DPP6: variants seen among roughly 807,000 people sequenced by gnomAD.
DPP6 encodes the protein A-type potassium channel modulatory protein DPP6.
Under a neutral mutation model 122.6 loss-of-function variants are expected in DPP6, and 69 were observed. The observed-to-expected ratio is 0.56, with a 90% CI of 0.46 to 0.69. The LOEUF (loss-of-function observed/expected upper bound fraction) is 0.69, where lower values mean the gene tolerates loss of function less well. Ranked by LOEUF, DPP6 falls within the 30% of genes least tolerant of loss-of-function variation. The pLI is 0.00. For missense variants in DPP6, 928 were observed against 1,116.9 expected, an observed-to-expected ratio of 0.83 and a Z score of 2.41; for synonymous variants, 418 against 433.1, an observed-to-expected ratio of 0.97 and a Z score of 0.43.
chr7:153,803,344 G>A, the DPP6 span, among the ~76,000 whole-genome samples: 1,577 of 150,716 alleles, frequency 0.01, 21 homozygotes, highest in African/African-American at 0.036. Context: ...ATTTGAATTC[G>A]TGGACTCAGT....
chr7:154,719,747 C>T (rs1375114776), intron 7 of DPP6, among the ~76,000 whole-genome samples: 1 of 152,220 alleles, frequency 6.6e-6, no homozygotes, highest in Non-Finnish European at 1.5e-5. Context: ...CTCTTCTCCG[C>T]AGGTCACTGC....
chr7:153,984,211 G>A (rs1329228156), intron 1 of DPP6, among the ~76,000 whole-genome samples: 1 of 152,072 alleles, frequency 6.6e-6, no homozygotes, highest in South Asian at 2.1e-4. Context: ...CAATTGTTAG[G>A]TCAGAGCTAT....
intron 1 of DPP6, among the ~76,000 whole-genome samples, chr7:154,254,764 C>T (rs114300311): frequency 0.016 from 2,490 of 151,990 alleles, 74 homozygotes; most frequent in African/African-American, 0.057. Context: ...AACAAAAATA[C>T]GAGCTTCAAT....
intron 1 of DPP6, among the ~76,000 whole-genome samples, chr7:153,923,527 C>T (rs1800740219): frequency 6.6e-6 from 1 of 152,012 alleles, no homozygotes; most frequent in South Asian, 2.1e-4. Context: ...TTTGGGAGGC[C>T]AAGGCGGGCA....
chr7:153,761,355 T>A, the DPP6 span, among the ~76,000 whole-genome samples: 749 of 152,362 alleles, frequency 4.9e-3, 26 homozygotes, highest in East Asian at 0.074. Flanking sequence ...AGGCTAAATT[T>A]TATGCTGAAT....
In DPP6 at chr7:154,682,215, G is replaced by C. The variant is rs78584577; in HGVS notation, c.762+12774G>C. Among the ~76,000 whole-genome samples the C allele has an allele frequency of 7.6e-3, 1,165 of 152,304 alleles. 15 individuals carry two copies. Among genetic ancestry groups the C allele is most frequent in the Middle Eastern group, 0.041 (12 of 294 alleles). On this transcript the variant is annotated intron_variant, in intron 7 of 25. Coordinates refer to ENST00000377770, the MANE Select transcript of DPP6 (RefSeq NM_130797.4). Reference sequence around the variant, plus strand: ...ACCAAGGAAGAAAATCTGGATTTTCGAGTCAGACATTTGTCTTAAAATGTT... The same window carrying C: ...ACCAAGGAAGAAAATCTGGATTTTCCAGTCAGACATTTGTCTTAAAATGTT...
Position 153,920,561 on chromosome 7 carries a change from C to CTTTTTTTTTTTTTTTTTTTTTTTTTTTT in DPP6, c.51+32828_51+32829insTTTTTTTTTTTTTTTTTTTTTTTTTTTT, listed in dbSNP as rs1489811189. Among the ~76,000 whole-genome samples, 9 of 62,456 alleles carry CTTTTTTTTTTTTTTTTTTTTTTTTTTTT rather than the reference C, an allele frequency of 1.4e-4. 1 individual carries two copies. Among genetic ancestry groups the CTTTTTTTTTTTTTTTTTTTTTTTTTTTT allele is most frequent in the South Asian group, 5.3e-4 (1 of 1,892 alleles). 41.0% of individuals were successfully genotyped at this position (62,456 alleles called of 152,430 possible). On this transcript the variant is annotated intron_variant, in intron 1 of 25. Transcript: ENST00000404039. Reference sequence around the variant, plus strand: ...TAGTCAACCTTTTTCTTTTATCTCTCTCTTTTTTTTTTTTTTTTTGAGATG... The same window carrying CTTTTTTTTTTTTTTTTTTTTTTTTTTTT: ...TAGTCAACCTTTTTCTTTTATCTCTCTTTTTTTTTTTTTTTTTTTTTTTTTTTTTCTTTTTTTTTTTTTTTTTGAGATG...
At chr7:153,786,994 C>T in the DPP6 span, among the ~76,000 whole-genome samples, 33 of 146,254 alleles carry the variant, frequency 2.3e-4, 3 homozygotes, top group Admixed American at 6.8e-4. Flanking sequence ...CTCTGTCGCC[C>T]GGGCTGGAGT....
chr7:153,767,190 G>A, the DPP6 span, among the ~76,000 whole-genome samples: 2 of 152,100 alleles, frequency 1.3e-5, no homozygotes, highest in Non-Finnish European at 2.9e-5. Context: ...TGAGGCAAAC[G>A]CTTCCACTTA....
At chr7:154,151,245 C>T (rs1403616019) in intron 1 of DPP6, among the ~76,000 whole-genome samples, 2 of 152,156 alleles carry the variant, frequency 1.3e-5, no homozygotes, top group Admixed American at 1.3e-4. Context: ...GGATGCTTGC[C>T]CCAGGCCTCT....
chr7:154,515,144 TGA>T (rs150195427), intron 3 of DPP6, among the ~76,000 whole-genome samples: 66 of 152,340 alleles, frequency 4.3e-4, no homozygotes, highest in South Asian at 1.9e-3. Context: ...TATTTCTGTG[TGA>T]GAGTCTGTTA....
At chr7:154,830,218 T>C in intron 16 of DPP6, among the ~76,000 whole-genome samples, 1 of 152,178 alleles carries the variant, frequency 6.6e-6, no homozygotes, top group Admixed American at 6.5e-5. Flanking sequence ...TTTTTTCTGA[T>C]CACCTGTTCG....
intron 16 of DPP6, among the ~76,000 whole-genome samples, chr7:154,824,932 C>A (rs1435260833): frequency 6.6e-6 from 1 of 152,222 alleles, no homozygotes; most frequent in Admixed American, 6.5e-5. Context: ...TCTGGTCAGT[C>A]ATTGCCATTC....
chr7:153,986,226 T>C (rs1796842763), intron 1 of DPP6, among the ~76,000 whole-genome samples: 2 of 152,204 alleles, frequency 1.3e-5, no homozygotes, highest in South Asian at 4.1e-4. Context: ...AAAGAACTCA[T>C]CATGTAAAAA....
intron 1 of DPP6, among the ~76,000 whole-genome samples, chr7:154,153,338 A>C (rs1490323538): frequency 1.3e-5 from 2 of 152,140 alleles, no homozygotes; most frequent in South Asian, 2.1e-4. Flanking sequence ...GGCATGCACC[A>C]CCATGCCCAG....
At chr7:154,177,731 A>T (rs1797876846) in intron 1 of DPP6, among the ~76,000 whole-genome samples, 1 of 152,276 alleles carries the variant, frequency 6.6e-6, no homozygotes, top group South Asian at 2.1e-4. Flanking sequence ...TTTCTTTGTG[A>T]TGTCAGGCAA....
intron 16 of DPP6, among the ~76,000 whole-genome samples, chr7:154,812,603 T>A (rs754010074): frequency 1.3e-5 from 2 of 151,992 alleles, no homozygotes; most frequent in Non-Finnish European, 2.9e-5. Context: ...AGTGCACTAA[T>A]GCCATTCCCA....
intron 17 of DPP6, among the ~76,000 whole-genome samples, chr7:154,865,993 C>T (rs4960629): frequency 0.13 from 20,158 of 152,170 alleles, 2,466 homozygotes; most frequent in African/African-American, 0.31. Flanking sequence ...GATTTGCTGC[C>T]AGGAAAATGA....
intron 7 of DPP6, among the ~76,000 whole-genome samples, chr7:154,690,325 C>T (rs117358008): frequency 1.8e-4 from 27 of 152,258 alleles, no homozygotes; most frequent in Middle Eastern, 6.8e-3. Flanking sequence ...CAATGTCGGC[C>T]TTCCCTTAGG....
Sources: gnomAD v4.1 joint callset for allele counts (sites outside exome capture counted in the v4.1 genomes callset) on GRCh38, gnomAD v4.1.1 for gene constraint, MANE v1.5 for transcripts, NCBI Gene and HGNC (gene_info 2026-07-23, HGNC 2026-07-21) for gene names.